THSD4: variants seen among roughly 807,000 people sequenced by gnomAD.
THSD4 encodes the protein thrombospondin type-1 domain-containing protein 4.
Under a neutral mutation model 119.0 loss-of-function variants are expected in THSD4, and 69 were observed. The ratio of observed to expected loss-of-function variants is 0.58; its 90% confidence interval spans 0.48 to 0.71. THSD4 has a LOEUF of 0.71. Ranked by LOEUF, THSD4 falls within the 30% of genes least tolerant of loss-of-function variation. The pLI is 0.00. For missense variants in THSD4, 1,393 were observed against 1,391.1 expected (o/e 1.00, Z -0.02); for synonymous variants, 524 against 540.4 (o/e 0.97, Z 0.42).
chr15:71,444,662 A>G (rs2047154694), intron 7 of THSD4, among the ~76,000 whole-genome samples: 1 of 152,062 alleles, frequency 6.6e-6, no homozygotes, highest in African/African-American at 2.4e-5. Context: ...TGACACCTCC[A>G]CTCAATGAGT....
chr15:71,562,764 G>A (rs953422987), intron 7 of THSD4, among the ~76,000 whole-genome samples: 4 of 148,134 alleles, frequency 2.7e-5, no homozygotes, highest in South Asian at 2.1e-4. Flanking sequence ...GTACAATGGC[G>A]CAATCTCAGC....
At chr15:71,720,218 T>C (rs373578708) in intron 8 of THSD4, among the ~76,000 whole-genome samples, 6 of 151,722 alleles carry the variant, frequency 4.0e-5, no homozygotes, top group African/African-American at 1.2e-4. Flanking sequence ...TCCTGGCTAA[T>C]TTTTTTACTT....
At chr15:71,316,279 C>A (rs929100080) in intron 6 of THSD4, among the ~76,000 whole-genome samples, 4 of 152,184 alleles carry the variant, frequency 2.6e-5, no homozygotes, top group African/African-American at 9.7e-5. Context: ...AGCTTGACTT[C>A]AAATTAAGTA....
chr15:71,216,949 A>G (rs2043938163), intron 4 of THSD4, among the ~76,000 whole-genome samples: 1 of 152,026 alleles, frequency 6.6e-6, no homozygotes, highest in African/African-American at 2.4e-5. Context: ...GGCATGCACC[A>G]CCATACCCAG....
In THSD4 at chr15:71,602,011, CA is replaced by C. The variant is rs753859843; in HGVS notation, c.1153-58518del. Among the ~76,000 whole-genome samples, 16 of 152,064 alleles carry C rather than the reference CA, an allele frequency of 1.1e-4. 1 individual carries two copies. The highest frequency in any genetic ancestry group is 1.9e-4 in the Non-Finnish European group (13 of 68,024). ...CAGCATTATTCTGGAGAAGACTTCACATGATGTAGGAGGTGGGATTTCAGCT... is the reference window on the plus strand; with the variant it reads ...CAGCATTATTCTGGAGAAGACTTCACTGATGTAGGAGGTGGGATTTCAGCT... On this transcript the variant is annotated intron_variant, in intron 7 of 17. Coordinates refer to ENST00000261862, the MANE Select transcript of THSD4 (RefSeq NM_024817.3).
intron 11 of THSD4, among the ~76,000 whole-genome samples, chr15:71,739,579 G>T (rs1055885341): frequency 1.3e-5 from 2 of 152,152 alleles, no homozygotes; most frequent in African/African-American, 2.4e-5. Context: ...TGCTGCTTCT[G>T]TTTCAAGCTG....
chr15:71,426,120 G>A (rs1047977381), intron 7 of THSD4, among the ~76,000 whole-genome samples: 10 of 152,296 alleles, frequency 6.6e-5, no homozygotes, highest in South Asian at 2.1e-4. Context: ...GTCAGTCATC[G>A]CCCCACTGTA....
At chr15:71,727,551 AAAATATATATAT>A (rs2052874089) in intron 8 of THSD4, among the ~76,000 whole-genome samples, 3 of 107,522 alleles carry the variant, frequency 2.8e-5, no homozygotes, top group African/African-American at 1.3e-4. Context: ...AAAAAAAAAA[AAAATATATATAT>A]ATATATATAT....
chr15:71,171,294 A>G (rs139050805), intron 3 of THSD4, among the ~76,000 whole-genome samples: 55 of 152,290 alleles, frequency 3.6e-4, no homozygotes, highest in African/African-American at 1.2e-3. Flanking sequence ...CTTAGAAAAA[A>G]TAGACATATT....
In THSD4 at chr15:71,765,045, C is replaced by T. The variant is rs760643657; in HGVS notation, c.2615C>T (p.Thr872Met). ...SQCSIECGSG[T>M]QQREVICVRK... Reference sequence around the variant, plus strand: ...TGTTCCATCGAGTGTGGGAGCGGGACGCAACAGAGGGAGGTGATTTGTGTT... The same window carrying T: ...TGTTCCATCGAGTGTGGGAGCGGGATGCAACAGAGGGAGGTGATTTGTGTT... The change falls in exon 16 of 18, where the codon ACG becomes ATG. Residue 872 changes from threonine (T) to methionine (M), a missense_variant. Coordinates refer to ENST00000261862, the MANE Select transcript of THSD4 (RefSeq NM_024817.3). 64 of 1,613,924 alleles carry T rather than the reference C, an allele frequency of 4.0e-5. No homozygotes were observed. The highest frequency in any genetic ancestry group is 1.2e-4 in the Admixed American group (7 of 59,986).
intron 7 of THSD4, among the ~76,000 whole-genome samples, chr15:71,434,433 C>A: frequency 1.3e-5 from 1 of 74,844 alleles, no homozygotes. Flanking sequence ...GTCAGTGGTC[C>A]CTTTTTTTTT....
At chr15:71,616,566 A>G (rs184910564) in intron 7 of THSD4, among the ~76,000 whole-genome samples, 161 of 152,328 alleles carry the variant, frequency 1.1e-3, no homozygotes, top group African/African-American at 3.8e-3. Context: ...CAAAACTTGG[A>G]AAATAGGGTT....
chr15:71,381,587 T>C, intron 6 of THSD4, among the ~76,000 whole-genome samples: 1 of 152,182 alleles, frequency 6.6e-6, no homozygotes, highest in East Asian at 1.9e-4. Context: ...ATGAACCTCC[T>C]TGGACACAAA....
At chr15:71,164,916 G>C in intron 3 of THSD4, 2 of 1,565,652 alleles carry the variant, frequency 1.3e-6, no homozygotes, top group Non-Finnish European at 1.7e-6. Flanking sequence ...GCTGCATCAG[G>C]CTTTCCTTTA....
intron 7 of THSD4, among the ~76,000 whole-genome samples, chr15:71,421,123 C>A (rs1284878721): frequency 1.3e-5 from 1 of 76,168 alleles, no homozygotes; most frequent in Non-Finnish European, 2.5e-5. Flanking sequence ...GGTACCACTG[C>A]ACTCCAGCCT....
intron 7 of THSD4, among the ~76,000 whole-genome samples, chr15:71,633,164 A>C (rs1313949008): frequency 6.6e-6 from 1 of 151,978 alleles, no homozygotes. Flanking sequence ...GATCAGCCCC[A>C]CCTGTGAGAA....
At chr15:71,368,135 G>GT (rs1566957112) in intron 6 of THSD4, among the ~76,000 whole-genome samples, 1 of 152,012 alleles carries the variant, frequency 6.6e-6, no homozygotes, top group Non-Finnish European at 1.5e-5. Flanking sequence ...GGGGTTGTTT[G>GT]TTTTTTTCTT....
rs1459553203 is a variant in THSD4 at position 71,215,415 on chromosome 15, T to C, written c.464+16T>C. On this transcript the variant is annotated intron_variant, in intron 4 of 17. Transcript: ENST00000261862. ...GGGACAGAAGGTACACGCCCGCCCT[T>C]GTCTGTGCCGCTCCCCGTCCCTGTC... The C allele has an allele frequency of 2.0e-6, 3 of 1,509,192 alleles. No homozygotes were observed. The highest frequency in any genetic ancestry group is 8.8e-7 in the Non-Finnish European group (1 of 1,133,066). The allele number at this position is 1,509,192 out of a possible 1,614,324, so 93.5% of individuals were successfully genotyped here. A position where few individuals can be genotyped will look rare whatever the true frequency, so the allele number is the denominator to read the frequency against.
At chr15:71,653,363 A>G (rs2051129490) in intron 7 of THSD4, among the ~76,000 whole-genome samples, 1 of 152,214 alleles carries the variant, frequency 6.6e-6, no homozygotes, top group Admixed American at 6.5e-5. Flanking sequence ...GGAATCTGTC[A>G]TGTGCTCCTC....
Sources: allele counts gnomAD v4.1 joint callset (sites outside exome capture counted in the v4.1 genomes callset), GRCh38; gene constraint gnomAD v4.1.1; transcripts MANE v1.5; gene names NCBI Gene and HGNC (gene_info 2026-07-23, HGNC 2026-07-21).